The following RGS5 variants were observed in gnomAD, a reference collection of about 807,000 sequenced individuals.
RGS5 encodes regulator of G-protein signalling 5.
RGS5 carries 20 observed loss-of-function variants against 18.9 expected under a neutral mutation model. The ratio of observed to expected loss-of-function variants is 1.06; its 90% CI spans 0.74 to 1.54. RGS5 has a LOEUF of 1.54. RGS5 is among the 40% of genes most tolerant of loss of function. The probability of loss-of-function intolerance (pLI) is 0.00; values close to 1 mark genes in which losing one functional copy is unlikely to be tolerated. For missense variants in RGS5, 201 were observed against 211.8 expected, an observed-to-expected ratio of 0.95 and a Z score of 0.32; for synonymous variants, 57 against 76.2, an observed-to-expected ratio of 0.75 and a Z score of 1.31.
At chr1:163,311,618 A>C (rs1649865408) in intron 1 of RGS5, among the ~76,000 whole-genome samples, 1 of 152,128 alleles carries the variant, frequency 6.6e-6, no homozygotes, top group South Asian at 2.1e-4. Flanking sequence ...GCCCAAGGAG[A>C]GGGAGAGAGA....
intron 3 of RGS5, among the ~76,000 whole-genome samples, chr1:163,155,016 G>T (rs1475203324): frequency 6.6e-6 from 1 of 151,910 alleles, no homozygotes; most frequent in South Asian, 2.1e-4. Context: ...TAAACAAAAG[G>T]TGTCAGATAG....
At chr1:163,215,864 A>G (rs1660204622) in intron 1 of RGS5, among the ~76,000 whole-genome samples, 1 of 152,134 alleles carries the variant, frequency 6.6e-6, no homozygotes, top group Non-Finnish European at 1.5e-5. Flanking sequence ...CAGAAGTTTG[A>G]GAACAGCCTG....
chr1:163,202,394 T>C (rs1452328584), intron 1 of RGS5, among the ~76,000 whole-genome samples: 2 of 152,128 alleles, frequency 1.3e-5, no homozygotes, highest in African/African-American at 2.4e-5. Flanking sequence ...CTGAGCTACA[T>C]AGAGGTTAAA....
At chr1:163,248,700 A>G (rs1438351462) in intron 2 of RGS5, 1 of 152,150 alleles carries the variant, frequency 6.6e-6, no homozygotes, top group Non-Finnish European at 1.5e-5. Context: ...TTAGCACTCT[A>G]ATAGGTCTAG....
At chr1:163,311,736 T>C (rs1649869197) in intron 1 of RGS5, among the ~76,000 whole-genome samples, 2 of 152,184 alleles carry the variant, frequency 1.3e-5, no homozygotes, top group South Asian at 4.1e-4. Flanking sequence ...ATTATAATAG[T>C]AACATCAAAG....
chr1:163,290,930 A>T (rs1649266924), intron 2 of RGS5, among the ~76,000 whole-genome samples: 1 of 152,170 alleles, frequency 6.6e-6, no homozygotes. Context: ...GGCCAACATT[A>T]TTTGTAAATG....
intron 2 of RGS5, among the ~76,000 whole-genome samples, chr1:163,252,667 A>G (rs1392877946): frequency 4.7e-5 from 7 of 150,162 alleles, no homozygotes; most frequent in Non-Finnish European, 7.4e-5. Context: ...AATGAATGCT[A>G]TAAGAATGCA....
At chr1:163,299,484 T>C (rs538203665) in intron 2 of RGS5, among the ~76,000 whole-genome samples, 26 of 152,324 alleles carry the variant, frequency 1.7e-4, no homozygotes, top group African/African-American at 6.3e-4. Flanking sequence ...CTAAATATAT[T>C]GTGAAGGTCC....
intron 2 of RGS5, among the ~76,000 whole-genome samples, chr1:163,277,315 G>A (rs1210327111): frequency 1.3e-5 from 2 of 152,158 alleles, no homozygotes; most frequent in East Asian, 3.9e-4. Flanking sequence ...ATGCATAAAA[G>A]CAAGCAGTGC....
At chr1:163,269,305 T>C (rs1648651574) in intron 2 of RGS5, among the ~76,000 whole-genome samples, 1 of 152,110 alleles carries the variant, frequency 6.6e-6, no homozygotes, top group East Asian at 1.9e-4. Context: ...CTAATGGGTG[T>C]CTGTGTAAGG....
At chr1:163,292,039 C>T (rs1221192091) in intron 2 of RGS5, among the ~76,000 whole-genome samples, 2 of 152,002 alleles carry the variant, frequency 1.3e-5, no homozygotes, top group Non-Finnish European at 2.9e-5. Context: ...TTCAGGGGTA[C>T]ATATGAAGGA....
At chr1:163,251,427 C>T (rs111997973) in intron 2 of RGS5, among the ~76,000 whole-genome samples, 1,568 of 152,260 alleles carry the variant, frequency 0.01, 7 homozygotes, top group South Asian at 0.018. Context: ...CAACCCCAAT[C>T]CCACCACTCT....
At chr1:163,272,309 T>C (rs1209019340) in intron 2 of RGS5, among the ~76,000 whole-genome samples, 1 of 152,168 alleles carries the variant, frequency 6.6e-6, no homozygotes, top group Non-Finnish European at 1.5e-5. Context: ...TGGATACAAG[T>C]CCTTTTCAGT....
intron 1 of RGS5, among the ~76,000 whole-genome samples, chr1:163,176,171 T>C (rs752117241): frequency 1.2e-4 from 18 of 152,230 alleles, no homozygotes; most frequent in Non-Finnish European, 2.5e-4. Flanking sequence ...ACAACTCTTT[T>C]CATTTTTATG....
At chr1:163,310,675 ATCT>A (rs1649832512) in intron 1 of RGS5, among the ~76,000 whole-genome samples, 1 of 151,850 alleles carries the variant, frequency 6.6e-6, no homozygotes, top group Non-Finnish European at 1.5e-5. Flanking sequence ...CACTTTCATC[ATCT>A]TAGCAAGATT....
At chr1:163,219,146 A>G (rs1453773881), upstream of RGS5, among the ~76,000 whole-genome samples, 1 of 152,102 alleles carries the variant, frequency 6.6e-6, no homozygotes, top group Non-Finnish European at 1.5e-5. Context: ...ACAAAAAAGT[A>G]TTACAAGTGG....
intron 2 of RGS5, among the ~76,000 whole-genome samples, chr1:163,255,273 C>T (rs1354760509): frequency 1.3e-5 from 2 of 152,132 alleles, no homozygotes; most frequent in Non-Finnish European, 2.9e-5. Flanking sequence ...ATTCTTTCTA[C>T]CCATGAGCAT....
At position 163,161,936 on chromosome 1, in the gene RGS5, C is replaced by T. The variant is rs1251394136; in HGVS notation, c.196G>A (p.Asp66Asn). Residue 66 changes from aspartate to asparagine, a missense_variant, in exon 3 of 5, where the codon GAC (aspartate) becomes AAC (asparagine). Coordinates refer to ENST00000313961, the MANE Select transcript of RGS5 (RefSeq NM_003617.4). ...TTACAGTTGTTCTGCAGGAGTTTGTCCAGGGAATCACGCCACTGCAGGGCC... is the reference window on the plus strand; with the variant it reads ...TTACAGTTGTTCTGCAGGAGTTTGTTCAGGGAATCACGCCACTGCAGGGCC... ...DEALQWRDSL[D>N]KLLQNNYGLA... 6.2e-7 allele frequency: 1 copy of T among 1,613,040 alleles called. No individual in the cohort carries two copies. Among genetic ancestry groups the T allele is most frequent in the Non-Finnish European group, 8.5e-7 (1 of 1,179,336 alleles).
At chr1:163,224,184 C>T (rs1647285743) in intron 2 of RGS5, among the ~76,000 whole-genome samples, 1 of 152,066 alleles carries the variant, frequency 6.6e-6, no homozygotes, top group Admixed American at 6.6e-5. Context: ...TGTTAACCAT[C>T]CTCTTTCCAT....
Sources: gnomAD v4.1 joint callset for allele counts (sites outside exome capture counted in the v4.1 genomes callset) on GRCh38, gnomAD v4.1.1 for gene constraint, MANE v1.5 for transcripts, NCBI Gene and HGNC (gene_info 2026-07-23, HGNC 2026-07-21) for gene names.